The following KIF26B variants were observed in gnomAD, a reference collection of about 807,000 sequenced individuals.
KIF26B encodes the protein kinesin-like protein KIF26B.
A neutral mutation model predicts 151.2 loss-of-function variants in KIF26B; 63 were observed. The ratio of observed to expected loss-of-function variants is 0.42; its 90% CI spans 0.34 to 0.51. KIF26B has a LOEUF of 0.51. KIF26B is among the 20% of genes least tolerant of loss of function. The pLI is 0.07. For missense variants in KIF26B, 2,813 were observed against 2,913.6 expected (o/e 0.97, Z 0.79); for synonymous variants, 1,357 against 1,262.1 (o/e 1.08, Z -1.59).
At chr1:245,517,407 C>T (rs1378515780) in intron 4 of KIF26B, among the ~76,000 whole-genome samples, 2 of 151,104 alleles carry the variant, frequency 1.3e-5, no homozygotes, top group African/African-American at 2.4e-5. Context: ...TAGCTTTTGG[C>T]GACAATGACT....
At position 245,698,901 on chromosome 1, in the gene KIF26B, C is replaced by G; in HGVS notation, c.6042C>G (p.Phe2014Leu). The change falls in exon 14 of 15, where the codon TTC (phenylalanine) becomes TTG (leucine). Residue 2014 changes from phenylalanine (F) to leucine (L), a missense_variant. Around this residue, in one of 3 missense-constraint regions of KIF26B, gnomAD observed 2,060 missense variants for 2,088.6 expected, o/e 0.99. Transcript: ENST00000407071. The surrounding 1 kb of genome is among the most constrained non-coding windows in gnomAD (Gnocchi z 4.0). ...CTGTGTGCTAGGAGGCCATGTGCTT[C>G]AATGCAAAGCTGAAGATTCTGGAAC... is the stretch of plus-strand genomic sequence containing the variant. ...RGGASKEAMC[F>L]NAKLKILEHR... 6.2e-7 allele frequency: 1 copy of G among 1,613,798 alleles called. No individual in the cohort carries two copies. Among genetic ancestry groups the G allele is most frequent in the Non-Finnish European group, 8.5e-7 (1 of 1,179,766 alleles).
chr1:245,562,160 C>T (rs1270820483), intron 5 of KIF26B, among the ~76,000 whole-genome samples: 1 of 152,104 alleles, frequency 6.6e-6, no homozygotes, highest in Non-Finnish European at 1.5e-5. Context: ...CTAGTGGTCC[C>T]TTCAGAGAAC....
At chr1:245,339,302 G>C (rs1293347379) in intron 2 of KIF26B, among the ~76,000 whole-genome samples, 1 of 152,168 alleles carries the variant, frequency 6.6e-6, no homozygotes, top group Non-Finnish European at 1.5e-5. Context: ...TGTGGCCTTT[G>C]TCACTGACTT....
chr1:245,590,603 C>A (rs2043277244), intron 5 of KIF26B, among the ~76,000 whole-genome samples: 1 of 152,004 alleles, frequency 6.6e-6, no homozygotes, highest in South Asian at 2.1e-4. Flanking sequence ...GTGTAACCCG[C>A]GTCTATAAAA....
chr1:245,257,741 G>T (rs1670564357), intron 2 of KIF26B, among the ~76,000 whole-genome samples: 1 of 152,186 alleles, frequency 6.6e-6, no homozygotes, highest in Admixed American at 6.5e-5. Flanking sequence ...AGTTGGTCAG[G>T]CCGGGTGCAG....
chr1:245,467,257 GA>G lies in KIF26B; in HGVS notation c.1166+47518del, dbSNP rs1454542284. Among the ~76,000 whole-genome samples, 8 of 152,274 alleles carry G rather than the reference GA, an allele frequency of 5.3e-5. No individual in the cohort carries two copies. In the South Asian group the frequency reaches 1.2e-3, roughly 24 times the overall value. On this transcript the variant is annotated intron_variant, in intron 4 of 14. Transcript: ENST00000407071. ...CAATGTGGTGGGATAAAAGGATGAG[GA>G]AAAAAGTGGCACCAAGATGATGCGA... is the stretch of plus-strand genomic sequence containing the variant.
chr1:245,417,287 T>C (rs1674443986), intron 3 of KIF26B, among the ~76,000 whole-genome samples: 1 of 134,698 alleles, frequency 7.4e-6, no homozygotes, highest in South Asian at 2.6e-4. Flanking sequence ...ATTTTTTTAA[T>C]TAGAAGGGGA....
rs2042992142 is a variant in KIF26B, at chr1:245,564,755, AGG to A, written c.1350+23807_1350+23808del. 6.6e-6 allele frequency among the ~76,000 whole-genome samples: 1 copy of A among 152,154 alleles called. No homozygotes were observed. Among genetic ancestry groups the A allele is most frequent in the Non-Finnish European group, 1.5e-5 (1 of 68,018 alleles). On this transcript the variant is annotated intron_variant, in intron 5 of 14. Transcript: ENST00000407071. The surrounding 1 kb of genome is among the most constrained non-coding windows in gnomAD (Gnocchi z 4.6). ...CGGAAGACAGTTTTCCCACGGACCA[AGG>A]GTGGTGGTGGGGGATGATGATTTCA...
At chr1:245,326,310 C>G (rs1403614268) in intron 2 of KIF26B, among the ~76,000 whole-genome samples, 1 of 152,088 alleles carries the variant, frequency 6.6e-6, no homozygotes, top group Admixed American at 6.5e-5. Context: ...CCAACAGAAA[C>G]AGCATTAACA....
chr1:245,159,003 A>T (rs1198259251), intron 2 of KIF26B, among the ~76,000 whole-genome samples: 2 of 152,174 alleles, frequency 1.3e-5, no homozygotes, highest in Non-Finnish European at 2.9e-5. Flanking sequence ...AACTTGGATA[A>T]GACTTTTCTT....
chr1:245,453,638 G>A (rs1163911436), intron 4 of KIF26B, among the ~76,000 whole-genome samples: 1 of 152,134 alleles, frequency 6.6e-6, no homozygotes, highest in Non-Finnish European at 1.5e-5. Context: ...TACTTCTGCT[G>A]TAAATTGTGA....
intron 2 of KIF26B, among the ~76,000 whole-genome samples, chr1:245,220,880 G>A (rs1040214227): frequency 1.3e-5 from 2 of 152,066 alleles, no homozygotes; most frequent in African/African-American, 2.4e-5. Flanking sequence ...AATTTCACAC[G>A]GCTCCACTGT....
At chr1:245,632,147 T>A (rs2043787760) in intron 9 of KIF26B, among the ~76,000 whole-genome samples, 2 of 152,302 alleles carry the variant, frequency 1.3e-5, no homozygotes, top group South Asian at 4.1e-4. Flanking sequence ...GAAATCTTTC[T>A]CCTTTTTTGA....
At position 245,684,526 on chromosome 1, in the gene KIF26B, A is replaced by G. The variant is rs946405860; in HGVS notation, c.2421+131A>G. The G allele has an allele frequency of 4.1e-6, 4 of 986,484 alleles. No individual in the cohort carries two copies. The African/African-American group carries it at 6.5e-5, about 16-fold the overall frequency. 61.1% of individuals were successfully genotyped at this position (986,484 alleles called of 1,614,324 possible). ...TCAGGAGATGTGACTTGGAGCTGAC[A>G]ACACGTGGCTCAGGGTCCACTTTGG... On this transcript the variant is annotated intron_variant, in intron 11 of 14. Coordinates refer to ENST00000407071, the MANE Select transcript of KIF26B (RefSeq NM_018012.4).
chr1:245,351,982 A>C (rs898890103), intron 2 of KIF26B, among the ~76,000 whole-genome samples: 6 of 152,226 alleles, frequency 3.9e-5, no homozygotes, highest in Admixed American at 6.5e-5. Context: ...TAACTAGGCA[A>C]AAACCTACCT....
intron 2 of KIF26B, among the ~76,000 whole-genome samples, chr1:245,303,326 G>C (rs1671471951): frequency 6.6e-6 from 1 of 150,420 alleles, no homozygotes; most frequent in Non-Finnish European, 1.5e-5. Context: ...AGCCTCCCGA[G>C]TAGCTGGGAC....
intron 9 of KIF26B, among the ~76,000 whole-genome samples, chr1:245,619,541 G>C (rs902576695): frequency 1.3e-5 from 2 of 150,238 alleles, no homozygotes; most frequent in Non-Finnish European, 3.0e-5. Flanking sequence ...GAGGTTACAG[G>C]GTTGCAGTGA....
chr1:245,624,891 T>C (rs2043706421), intron 9 of KIF26B, among the ~76,000 whole-genome samples: 1 of 152,202 alleles, frequency 6.6e-6, no homozygotes, highest in Non-Finnish European at 1.5e-5. Flanking sequence ...TTTGATCAAT[T>C]TTTAGTTAAT....
chr1:245,397,298 C>T (rs1384968611), intron 3 of KIF26B, among the ~76,000 whole-genome samples: 1 of 151,796 alleles, frequency 6.6e-6, no homozygotes, highest in Non-Finnish European at 1.5e-5. Flanking sequence ...TTACCGCATC[C>T]TCCACTTCCT....
Sources: allele counts gnomAD v4.1 joint callset (sites outside exome capture counted in the v4.1 genomes callset), GRCh38; gene constraint gnomAD v4.1.1; regional missense constraint gnomAD v4.1.1; non-coding constraint Gnocchi (gnomAD v3.1); transcripts MANE v1.5; gene names NCBI Gene and HGNC (gene_info 2026-07-23, HGNC 2026-07-21).